DNAH1: variants seen among roughly 807,000 people sequenced by gnomAD.
DNAH1 encodes axonemal beta dynein heavy chain 1.
DNAH1 carries 327 observed loss-of-function variants against 484.3 expected under a neutral mutation model. The ratio of observed to expected loss-of-function variants is 0.68; its 90% CI spans 0.62 to 0.74. The LOEUF is 0.74. Ranked by LOEUF, DNAH1 falls within the 30% of genes least tolerant of loss-of-function variation. The pLI is 0.00. For missense variants in DNAH1, 5,052 were observed against 5,546.8 expected (o/e 0.91, Z 2.83); for synonymous variants, 2,192 against 2,191.9 (o/e 1.00, Z 0.00).
Position 52,346,531 on chromosome 3 carries a change from C to T in DNAH1, c.1716C>T (p.Ser572=). 1.2e-6 allele frequency: 2 copies of T among 1,613,842 alleles called. No individual in the cohort carries two copies. The highest frequency in any genetic ancestry group is 1.7e-6 in the Non-Finnish European group (2 of 1,179,810). Residue 572 remains serine, a synonymous_variant, in exon 11 of 78, where the codon AGC becomes AGT. Transcript: ENST00000420323. ...ISSLKVAMRS[S]LRDMSKGWYN... ...CGCTAAAGGTGGCCATGCGCAGCAGCCTGCGCGACATGAGCAAGGGCTGGT... is the reference window on the plus strand; with the variant it reads ...CGCTAAAGGTGGCCATGCGCAGCAGTCTGCGCGACATGAGCAAGGGCTGGT...
At position 52,366,858 on chromosome 3, in the gene DNAH1, C is replaced by G; in HGVS notation, c.5736C>G (p.Tyr1912Ter). ...NPKSITMGQL[Y>*]GEFDLLTHEW... ...AGTCCATCACGATGGGCCAGCTGTA[C>G]GGGGAGTTTGACCTCCTCACCCATG... is the stretch of plus-strand genomic sequence containing the variant. The change falls in exon 36 of 78, where the codon TAC becomes TAG. Residue 1912 changes from tyrosine to a stop codon, truncating the protein, a stop_gained. Transcript: ENST00000420323. LOFTEE classifies it high-confidence loss of function. The G allele has an allele frequency of 6.2e-7, 1 of 1,613,668 alleles. No individual in the cohort carries two copies. Among genetic ancestry groups the G allele is most frequent in the Non-Finnish European group, 8.5e-7 (1 of 1,179,680 alleles).
In DNAH1 at chr3:52,346,670, C is replaced by T. The variant is rs895136781; in HGVS notation, c.1855C>T (p.Leu619Phe). The stretch of plus-strand genomic sequence containing the variant: ...ACTGCGCTTCCTGGTGCAGGACTCA[C>T]TTGCCAGCTTCTCACAGTTCATCAG... ...DTLRFLVQDS[L>F]ASFSQFISDT... The change falls in exon 11 of 78, where the codon CTT becomes TTT. Residue 619 changes from leucine to phenylalanine, a missense_variant. Transcript: ENST00000420323. The T allele has an allele frequency of 6.2e-7, 1 of 1,613,952 alleles. No homozygotes were observed. The highest frequency in any genetic ancestry group is 1.7e-5 in the Admixed American group (1 of 60,006).
intron 65 of DNAH1, 148 bp from the exon 66 acceptor site, chr3:52,393,186 C>T (rs1704473023): frequency 4.2e-6 from 6 of 1,438,022 alleles, no homozygotes; most frequent in South Asian, 1.3e-5. Flanking sequence ...TACCCTCCTC[C>T]GAGCCCCTTC....
intron 14 of DNAH1, 99 bp downstream of exon 14, chr3:52,349,519 T>C (rs1269911212): frequency 8.6e-7 from 1 of 1,158,586 alleles, no homozygotes. Context: ...CCAAGCAGGG[T>C]CTGGGGTGTC....
chr3:52,340,085 G>T (rs897944616), intron 8 of DNAH1, among the ~76,000 whole-genome samples: 1 of 151,968 alleles, frequency 6.6e-6, no homozygotes, highest in Admixed American at 6.6e-5. Flanking sequence ...TACAGTTAGG[G>T]TTACTTTCTC....
chr3:52,319,236 A>G (rs1701057483), intron 1 of DNAH1, among the ~76,000 whole-genome samples: 1 of 152,224 alleles, frequency 6.6e-6, no homozygotes, highest in Non-Finnish European at 1.5e-5. Context: ...GTGCTTGGCT[A>G]CTGGTTGAGT....
chr3:52,375,923 C>G, intron 45 of DNAH1, 32 bp from the exon 46 acceptor site: 1 of 1,611,234 alleles, frequency 6.2e-7, no homozygotes. Context: ...CCACCTAACC[C>G]TGAGCCCCGT....
chr3:52,332,954 C>G (rs550723694), intron 8 of DNAH1, among the ~76,000 whole-genome samples: 1 of 152,340 alleles, frequency 6.6e-6, no homozygotes, highest in Admixed American at 6.5e-5. Context: ...GTGGGGCCAT[C>G]TTGGCTCACT....
chr3:52,364,793 TG>T lies in DNAH1; in HGVS notation c.5332-38del. ...GGCTCCTGGGCAGCTGGAGGGCAGC[TG>T]GCCCACTGCCCTGAAGGCTCAGCCG... On this transcript the variant is annotated intron_variant, in intron 33 of 77. Coordinates refer to ENST00000420323, the MANE Select transcript of DNAH1 (RefSeq NM_015512.5). The surrounding 1 kb of genome is among the most constrained non-coding windows in gnomAD (Gnocchi z 4.2). 6.2e-7 allele frequency: 1 copy of T among 1,607,774 alleles called. No homozygotes were observed. Among genetic ancestry groups the T allele is most frequent in the Non-Finnish European group, 8.5e-7 (1 of 1,175,602 alleles).
Position 52,394,487 on chromosome 3 carries a change from C to A in DNAH1, c.10649C>A (p.Ser3550Tyr), listed in dbSNP as rs1194381158. 3.7e-6 allele frequency: 6 copies of A among 1,613,904 alleles called. No homozygotes were observed. The highest frequency in any genetic ancestry group is 5.1e-6 in the Non-Finnish European group (6 of 1,179,884). The change falls in exon 67 of 78, where the codon TCT (serine) becomes TAT (tyrosine). Residue 3550 changes from serine to tyrosine, a missense_variant. Ser to Tyr is a moderately radical substitution (Grantham distance 144, BLOSUM62 -2). Transcript: ENST00000420323. ...CAGAGTGAGTGGCGATACCTCCTGT[C>A]TGGGGGCTCCATCTCGATCATGACT... ...INQSEWRYLLSGGSISIMTEN... is the reference protein window; with the variant it reads ...INQSEWRYLLYGGSISIMTEN...
At chr3:52,323,284 G>C (rs1220519548) in intron 2 of DNAH1, among the ~76,000 whole-genome samples, 2 of 152,038 alleles carry the variant, frequency 1.3e-5, no homozygotes, top group Non-Finnish European at 2.9e-5. Context: ...GAAGAAGAAG[G>C]CTAGAATGCG....
chr3:52,325,577 C>G (rs951031564), intron 3 of DNAH1, among the ~76,000 whole-genome samples: 1 of 152,234 alleles, frequency 6.6e-6, no homozygotes, highest in Non-Finnish European at 1.5e-5. Context: ...AACTCCCCTT[C>G]CCCCAGGTAT....
Position 52,398,829 on chromosome 3 carries a change from C to T in DNAH1, c.12090-21C>T, listed in dbSNP as rs1297894106. 6 of 1,505,962 alleles carry T rather than the reference C, an allele frequency of 4.0e-6. No individual in the cohort carries two copies. The South Asian group carries it at 5.4e-5, about 14-fold the overall frequency. 93.3% of individuals were successfully genotyped at this position (1,505,962 alleles called of 1,614,324 possible). ...ACGTGACCCCAGCCCACTACCTATT[C>T]TCTTGCCACTGGCCTCACAGGTACA... is the stretch of plus-strand genomic sequence containing the variant. On this transcript the variant is annotated intron_variant, in intron 75 of 77. Transcript: ENST00000420323.
chr3:52,314,514 GT>G (rs1019857923), upstream of DNAH1, among the ~76,000 whole-genome samples: 1 of 152,230 alleles, frequency 6.6e-6, no homozygotes, highest in Non-Finnish European at 1.5e-5. Flanking sequence ...TGGCCCCGAT[GT>G]GGGTTGCTCT....
At chr3:52,382,276 GC>G in intron 49 of DNAH1, 43 bp from the exon 50 acceptor site, 1 of 1,613,692 alleles carries the variant, frequency 6.2e-7, no homozygotes, top group Non-Finnish European at 8.5e-7. Context: ...TCAGCGTCTG[GC>G]CCCAAGTCCC....
At position 52,395,490 on chromosome 3, in the gene DNAH1, G is replaced by A. The variant is rs1341850511; in HGVS notation, c.11127+24G>A. 2 of 1,613,692 alleles carry A rather than the reference G, an allele frequency of 1.2e-6. No individual in the cohort carries two copies. Among genetic ancestry groups the A allele is most frequent in the Admixed American group, 3.3e-5 (2 of 60,020 alleles). ...AGGTCAGGGCTAGGCAGGGAGGAAG[G>A]GAGTGGGCTGGGGGGTGGGCAAGCT... On this transcript the variant is annotated intron_variant, in intron 69 of 77. Transcript: ENST00000420323. The surrounding 1 kb of genome is among the most constrained non-coding windows in gnomAD (Gnocchi z 4.4).
chr3:52,350,856 T>C (rs1434977772), intron 16 of DNAH1, among the ~76,000 whole-genome samples: 1 of 152,202 alleles, frequency 6.6e-6, no homozygotes, highest in Non-Finnish European at 1.5e-5. Context: ...ATGTTTTGCT[T>C]GTTGTTTTTT....
In DNAH1 at chr3:52,344,455, C is replaced by A. The variant is rs199895248; in HGVS notation, c.1287-35C>A. 6 of 1,603,112 alleles carry A rather than the reference C, an allele frequency of 3.7e-6. No homozygotes were observed. The Admixed American group carries it at 8.4e-5, about 22-fold the overall frequency. ...CGGCTGGGGTTCACAGGGTGTGGAGCCCCTGATTCCCCCATCTCCCATCTC... is the reference window on the plus strand; with the variant it reads ...CGGCTGGGGTTCACAGGGTGTGGAGACCCTGATTCCCCCATCTCCCATCTC... On this transcript the variant is annotated intron_variant, in intron 8 of 77. Transcript: ENST00000420323.
At chr3:52,380,190 C>T (rs1703783443) in intron 48 of DNAH1, 55 bp downstream of exon 48, 6 of 1,477,978 alleles carry the variant, frequency 4.1e-6, no homozygotes, top group Non-Finnish European at 4.6e-6. Context: ...CAATCTGCCT[C>T]CCTGGGGCCC....
Sources: allele counts gnomAD v4.1 joint callset (sites outside exome capture counted in the v4.1 genomes callset), GRCh38; gene constraint gnomAD v4.1.1; non-coding constraint Gnocchi (gnomAD v3.1); transcripts MANE v1.5; gene names NCBI Gene and HGNC (gene_info 2026-07-23, HGNC 2026-07-21).